Variants in ROBO1 observed in about 807,000 individuals in gnomAD.
ROBO1 encodes the protein roundabout guidance receptor 1.
Under a neutral mutation model 195.9 loss-of-function variants are expected in ROBO1, and 149 were observed. The observed-to-expected ratio is 0.76, with a 90% CI of 0.67 to 0.87. ROBO1 has a LOEUF of 0.87. ROBO1 is among the 40% of genes least tolerant of loss of function. The probability of loss-of-function intolerance (pLI) is 0.00; values close to 1 mark genes in which losing one functional copy is unlikely to be tolerated. For synonymous variants in ROBO1, 816 were observed against 733.2 expected (o/e 1.11, Z -1.82); for missense variants, 1,933 against 2,068.3 (o/e 0.93, Z 1.27).
At chr3:79,257,295 T>G (rs142446087) in intron 2 of ROBO1, among the ~76,000 whole-genome samples, 10 of 152,264 alleles carry the variant, frequency 6.6e-5, no homozygotes, top group African/African-American at 2.2e-4. Flanking sequence ...AAAGAGGGAT[T>G]TATCATGCTT....
chr3:78,818,675 G>C (rs2108663990), intron 4 of ROBO1, among the ~76,000 whole-genome samples: 1 of 152,332 alleles, frequency 6.6e-6, no homozygotes, highest in East Asian at 1.9e-4. Context: ...GTGCTTCTGG[G>C]AATGTGGTGG....
At chr3:79,007,421 T>G (rs1483487714) in intron 3 of ROBO1, among the ~76,000 whole-genome samples, 3 of 152,142 alleles carry the variant, frequency 2.0e-5, no homozygotes, top group Non-Finnish European at 2.9e-5. Flanking sequence ...AGAGAGACAG[T>G]GATATTCCAG....
At chr3:79,503,140 C>G (rs550152102) in intron 2 of ROBO1, among the ~76,000 whole-genome samples, 98 of 152,302 alleles carry the variant, frequency 6.4e-4, no homozygotes, top group Middle Eastern at 3.4e-3. Context: ...CCATTATGAG[C>G]TGTAACACTC....
chr3:79,094,159 C>T (rs1262554515), intron 3 of ROBO1, among the ~76,000 whole-genome samples: 1 of 152,050 alleles, frequency 6.6e-6, no homozygotes, highest in Non-Finnish European at 1.5e-5. Flanking sequence ...AAGAAATAAA[C>T]AATCCTGTTA....
chr3:79,564,184 T>A (rs899205660), intron 2 of ROBO1, among the ~76,000 whole-genome samples: 2 of 152,038 alleles, frequency 1.3e-5, no homozygotes, highest in Non-Finnish European at 2.9e-5. Flanking sequence ...AAAATTATAT[T>A]TTTGTGGAAC....
At chr3:78,734,213 G>C (rs1392151386) in intron 5 of ROBO1, among the ~76,000 whole-genome samples, 1 of 152,084 alleles carries the variant, frequency 6.6e-6, no homozygotes, top group Non-Finnish European at 1.5e-5. Context: ...AGGCAGCATA[G>C]GCATACTTGG....
At chr3:79,256,184 T>C (rs2082830361) in intron 2 of ROBO1, among the ~76,000 whole-genome samples, 1 of 152,318 alleles carries the variant, frequency 6.6e-6, no homozygotes, top group East Asian at 1.9e-4. Flanking sequence ...ACTTAAATAA[T>C]GGCTTTCTGG....
chr3:79,467,460 C>A (rs550741043), intron 2 of ROBO1, among the ~76,000 whole-genome samples: 1 of 151,170 alleles, frequency 6.6e-6, no homozygotes, highest in East Asian at 2.0e-4. Flanking sequence ...CCAGGCTCCA[C>A]GAGCAGACAA....
chr3:78,608,220 T>A (rs530403057), intron 28 of ROBO1, among the ~76,000 whole-genome samples: 158 of 152,238 alleles, frequency 1.0e-3, no homozygotes, highest in Admixed American at 1.7e-3. Context: ...CAAGTGATCC[T>A]CCCACCTCAG....
chr3:79,603,700 T>C (rs1355992482), intron 1 of ROBO1, among the ~76,000 whole-genome samples: 3 of 151,994 alleles, frequency 2.0e-5, no homozygotes, highest in African/African-American at 7.2e-5. Context: ...ATTTGTTTTG[T>C]GTCCTTTCAG....
chr3:79,614,908 G>T (rs73120835), intron 1 of ROBO1, among the ~76,000 whole-genome samples: 1 of 151,820 alleles, frequency 6.6e-6, no homozygotes, highest in Non-Finnish European at 1.5e-5. Flanking sequence ...TTAAAAAATA[G>T]AAATAAAGAG....
intron 2 of ROBO1, among the ~76,000 whole-genome samples, chr3:79,459,910 T>C (rs2107252609): frequency 6.6e-6 from 1 of 152,254 alleles, no homozygotes; most frequent in East Asian, 1.9e-4. Context: ...TTACAAATGG[T>C]GAACAAATAT....
At position 78,686,873 on chromosome 3, in the gene ROBO1, T is replaced by C. The variant is rs920979075; in HGVS notation, c.1171-956A>G. 2.0e-4 allele frequency among the ~76,000 whole-genome samples: 30 copies of C among 152,280 alleles called. No individual in the cohort carries two copies. In the East Asian group the frequency reaches 4.4e-3, roughly 23 times the overall value. On this transcript the variant is annotated intron_variant, in intron 9 of 30. Coordinates refer to ENST00000464233, the MANE Select transcript of ROBO1 (RefSeq NM_002941.4). ...TATGTATTTTCTAAAATTCATATGT[T>C]GAATTTAATTAAAAGATCACGCTTC...
chr3:78,683,548 C>T (rs79588414), intron 10 of ROBO1, among the ~76,000 whole-genome samples: 160 of 151,928 alleles, frequency 1.1e-3, no homozygotes, highest in African/African-American at 3.8e-3. Context: ...ACATATGGGC[C>T]GGGCGTGGTA....
At chr3:78,740,138 A>G (rs903981655) in intron 5 of ROBO1, among the ~76,000 whole-genome samples, 3 of 152,168 alleles carry the variant, frequency 2.0e-5, no homozygotes, top group Admixed American at 2.0e-4. Context: ...AAGTGCTATA[A>G]TAAGTGCTTA....
chr3:79,480,061 A>C (rs1938755782), intron 2 of ROBO1, among the ~76,000 whole-genome samples: 1 of 152,196 alleles, frequency 6.6e-6, no homozygotes, highest in Non-Finnish European at 1.5e-5. Context: ...ACACAATACC[A>C]AATACCGAAA....
At chr3:78,884,652 G>GAAAGAAAGAAAGAAAGAAAGAAAGA (rs1559961818) in intron 4 of ROBO1, among the ~76,000 whole-genome samples, 1 of 49,082 alleles carries the variant, frequency 2.0e-5, no homozygotes, top group African/African-American at 6.6e-5. Flanking sequence ...AGAAAGAAAG[G>GAAAGAAAGAAAGAAAGAAAGAAAGA]AAGGAAGGAA....
chr3:79,595,576 A>G, intron 1 of ROBO1, among the ~76,000 whole-genome samples: 1 of 151,702 alleles, frequency 6.6e-6, no homozygotes, highest in Non-Finnish European at 1.5e-5. Context: ...TTTCCAGGTA[A>G]AAAGAAAAAG....
At chr3:78,931,236 C>CTTTTTTTTTTTTTTTTTTTTTTTTTT (rs71127369) in intron 4 of ROBO1, among the ~76,000 whole-genome samples, 2 of 79,208 alleles carry the variant, frequency 2.5e-5, no homozygotes, top group Non-Finnish European at 2.4e-5. Flanking sequence ...TTCTTTCTTT[C>CTTTTTTTTTTTTTTTTTTTTTTTTTT]TTTTTTTTTT....
Sources: gnomAD v4.1 joint callset for allele counts (sites outside exome capture counted in the v4.1 genomes callset) on GRCh38, gnomAD v4.1.1 for gene constraint, MANE v1.5 for transcripts, NCBI Gene and HGNC (gene_info 2026-07-23, HGNC 2026-07-21) for gene names.